The following UBE2D4 variants were observed in gnomAD, a reference collection of about 807,000 sequenced individuals.
UBE2D4 encodes ubiquitin conjugating enzyme E2 D4.
UBE2D4 carries 17 observed loss-of-function variants against 23.0 expected under a neutral mutation model. That is an observed-to-expected ratio of 0.74 (90% CI 0.51 to 1.11). The LOEUF (loss-of-function observed/expected upper bound fraction) is 1.11, where lower values mean the gene tolerates loss of function less well. UBE2D4 is among the 50% of genes least tolerant of loss of function. The pLI, the probability that UBE2D4 is intolerant of heterozygous loss-of-function variation, is 0.00. For missense variants in UBE2D4, 139 were observed against 181.8 expected, an observed-to-expected ratio of 0.76 and a Z score of 1.35; for synonymous variants, 61 against 69.4, an observed-to-expected ratio of 0.88 and a Z score of 0.60.
rs2095931432 is a variant in UBE2D4 at position 43,926,641 on chromosome 7, G to C, written c.24+85G>C. On this transcript the variant is annotated intron_variant, in intron 1 of 6. Coordinates refer to ENST00000222402, the MANE Select transcript of UBE2D4 (RefSeq NM_015983.4). ...GCGCCGCTGCCGTGAAGTGAAAGGT[G>C]ACGGAGGCTCCGCGAGTCGCGGATA... 3 of 1,405,858 alleles carry C rather than the reference G, an allele frequency of 2.1e-6. 1 individual carries two copies. The highest frequency in any genetic ancestry group is 1.5e-5 in the African/African-American group (1 of 67,246). The allele number at this position is 1,405,858 out of a possible 1,614,324, so 87.1% of individuals were successfully genotyped here. A position where few individuals can be genotyped will look rare whatever the true frequency, so the allele number is the denominator to read the frequency against.
intron 1 of UBE2D4, among the ~76,000 whole-genome samples, chr7:43,932,984 G>GCATATATATATATATATATA (rs1269226650): frequency 8.2e-5 from 7 of 85,812 alleles, no homozygotes; most frequent in African/African-American, 3.1e-4. Context: ...AAATGTTAAA[G>GCATATATATATATATATATA]TATATATATA....
At chr7:43,938,556 C>A in intron 2 of UBE2D4, 62 bp downstream of exon 2, 1 of 1,540,370 alleles carries the variant, frequency 6.5e-7, no homozygotes, top group African/African-American at 1.4e-5. Flanking sequence ...CCAACTTAGG[C>A]CAGGTGCGGT....
At chr7:43,942,800 A>G in intron 2 of UBE2D4, 26 bp from the exon 3 acceptor site, 12 of 1,614,094 alleles carry the variant, frequency 7.4e-6, no homozygotes, top group South Asian at 1.1e-5. Flanking sequence ...GGTCTCTTAC[A>G]TGCCCGTCTC....
chr7:43,933,013 T>TATATATATATATATACACAC (rs1340458201), intron 1 of UBE2D4, among the ~76,000 whole-genome samples: 2 of 116,648 alleles, frequency 1.7e-5, no homozygotes, highest in African/African-American at 6.8e-5. Flanking sequence ...TATATATATA[T>TATATATATATATATACACAC]ACACACACAT....
chr7:43,926,582 CTT>C, intron 1 of UBE2D4, 26 bp downstream of exon 1: 1 of 1,561,438 alleles, frequency 6.4e-7, no homozygotes. Context: ...CCCTCCAACT[CTT>C]TGGGTGTCCG....
chr7:43,942,560 C>T lies in UBE2D4; in HGVS notation c.89-266C>T, dbSNP rs78262547. 1,915 of 591,226 alleles carry T rather than the reference C, an allele frequency of 3.2e-3. 29 individuals are homozygous for T. Among genetic ancestry groups the T allele is most frequent in the African/African-American group, 0.031 (1,657 of 53,868 alleles). 36.6% of individuals were successfully genotyped at this position (591,226 alleles called of 1,614,324 possible). ...CTCCACGGAGAGAGAAGAATAGAAA[C>T]TCTGCGTTTGGACCCTCCTGATGTT... On this transcript the variant is annotated intron_variant, in intron 2 of 6. Transcript: ENST00000222402.
intron 4 of UBE2D4, chr7:43,947,040 C>A (rs554845782): frequency 2.8e-4 from 42 of 152,214 alleles, no homozygotes; most frequent in African/African-American, 1.0e-3. Flanking sequence ...GCCCCCACCC[C>A]CCGACAGGCC....
intron 4 of UBE2D4, 94 bp downstream of exon 4, chr7:43,943,125 C>T (rs139652974): frequency 2.6e-5 from 33 of 1,284,988 alleles, no homozygotes; most frequent in African/African-American, 1.8e-4. Context: ...AAGAGCTGTA[C>T]GTGGGGTTTC....
At chr7:43,930,035 G>T (rs1451854264) in intron 1 of UBE2D4, among the ~76,000 whole-genome samples, 1 of 152,188 alleles carries the variant, frequency 6.6e-6, no homozygotes, top group Non-Finnish European at 1.5e-5. Context: ...GGGCTGAATG[G>T]CTCTGGAACA....
intron 1 of UBE2D4, among the ~76,000 whole-genome samples, chr7:43,937,344 A>C (rs1286530287): frequency 4.6e-5 from 7 of 152,212 alleles, no homozygotes; most frequent in Non-Finnish European, 7.3e-5. Flanking sequence ...AGGTAAGCTA[A>C]AAGGAACTGT....
In UBE2D4 at chr7:43,948,737, G is replaced by A. The variant is rs1208767194; in HGVS notation, c.304G>A (p.Val102Ile). 2 of 1,606,966 alleles carry A rather than the reference G, an allele frequency of 1.2e-6. No homozygotes were observed. Among genetic ancestry groups the A allele is most frequent in the South Asian group, 1.1e-5 (1 of 90,926 alleles). Residue 102 changes from valine to isoleucine, a missense_variant and splice_region_variant, in exon 5 of 7, where the codon GTT becomes ATT. Coordinates refer to ENST00000222402, the MANE Select transcript of UBE2D4 (RefSeq NM_015983.4). ...QWSPALTVSK[V>I]LLSICSLLCD... ...GTCTCCAGCGTTGACTGTGTCAAAA[G>A]GTAGAGATGCTGATGGCATGCTCTG... is the stretch of plus-strand genomic sequence containing the variant.
chr7:43,948,789 C>A, intron 5 of UBE2D4, 52 bp downstream of exon 5: 2 of 1,371,946 alleles, frequency 1.5e-6, no homozygotes, highest in Admixed American at 1.7e-5. Flanking sequence ...TGTTTTTACC[C>A]CAGCACTGAC....
intron 5 of UBE2D4, 51 bp downstream of exon 5, chr7:43,948,788 C>A: frequency 7.2e-7 from 1 of 1,393,668 alleles, no homozygotes; most frequent in Non-Finnish European, 1.0e-6. Flanking sequence ...ATGTTTTTAC[C>A]CCAGCACTGA....
At chr7:43,951,102 A>C (rs1007669804) in intron 6 of UBE2D4, among the ~76,000 whole-genome samples, 1 of 152,250 alleles carries the variant, frequency 6.6e-6, no homozygotes, top group Non-Finnish European at 1.5e-5. Context: ...GCTATACCGA[A>C]GGTGAGGCTG....
At chr7:43,943,385 G>T (rs1214340661) in intron 4 of UBE2D4, 1 of 362,924 alleles carries the variant, frequency 2.8e-6, no homozygotes, top group Non-Finnish European at 5.1e-6. Flanking sequence ...TTTTGCTACT[G>T]CCCCAGGGAC....
rs79337167 is a variant in UBE2D4, at chr7:43,936,398, T to G, written c.25-2033T>G. Among the ~76,000 whole-genome samples the G allele has an allele frequency of 8.7e-4, 133 of 152,290 alleles. 4 individuals carry two copies. The East Asian group carries it at 0.025, about 29-fold the overall frequency. On this transcript the variant is annotated intron_variant, in intron 1 of 6. Transcript: ENST00000222402. ...TACTATTCAATACTTTAACTTACTT[T>G]CTCTTTTTCGGAACTTCTCACTTTT...
At position 43,949,014 on chromosome 7, in the gene UBE2D4, AT is replaced by A. The variant is rs536055926; in HGVS notation, c.304+284del. The A allele has an allele frequency of 1.8e-5, 8 of 439,988 alleles. No individual in the cohort carries two copies. In the Admixed American group the frequency reaches 3.1e-4, roughly 17 times the overall value. 27.3% of individuals were successfully genotyped at this position (439,988 alleles called of 1,614,324 possible). A position where few individuals can be genotyped will look rare whatever the true frequency, so the allele number is the denominator to read the frequency against. On this transcript the variant is annotated intron_variant, in intron 5 of 6. Transcript: ENST00000222402. ...AGAAGAAAATACTGATTCTACTTAT[AT>A]TTTTTTATCCAAAAATAAGAAAGGC...
Position 43,942,806 on chromosome 7 carries a change from G to A in UBE2D4, c.89-20G>A, listed in dbSNP as rs748619355. The A allele has an allele frequency of 1.1e-5, 17 of 1,614,002 alleles. No homozygotes were observed. The highest frequency in any genetic ancestry group is 2.7e-5 in the African/African-American group (2 of 74,912). The stretch of plus-strand genomic sequence containing the variant: ...TTCTTGGGGGGTCTCTTACATGCCC[G>A]TCTCTCTTTTGTTTTGTAGTGTTCC... On this transcript the variant is annotated intron_variant, in intron 2 of 6. Transcript: ENST00000222402.
chr7:43,938,031 C>T lies in UBE2D4; in HGVS notation c.25-400C>T, dbSNP rs139695634. On this transcript the variant is annotated intron_variant, in intron 1 of 6. Transcript: ENST00000222402. ...AGTAAAACCTGGCACCTATCCTTCT[C>T]CCAGAACTCTCTCCTGGGCTGCTTT... Among the ~76,000 whole-genome samples the T allele has an allele frequency of 8.6e-3, 1,310 of 152,190 alleles. 6 individuals carry two copies. The highest frequency in any genetic ancestry group is 0.015 in the Non-Finnish European group (987 of 67,996).
Sources: allele counts gnomAD v4.1 joint callset (sites outside exome capture counted in the v4.1 genomes callset), GRCh38; gene constraint gnomAD v4.1.1; transcripts MANE v1.5; gene names NCBI Gene and HGNC (gene_info 2026-07-23, HGNC 2026-07-21).